Variants in SH3BGR observed in about 807,000 individuals in gnomAD.
The protein encoded by SH3BGR is SH3 domain binding glutamate rich protein.
In SH3BGR, 29 loss-of-function variants were observed where a neutral mutation model predicts 24.5. That is an observed-to-expected ratio of 1.18 (90% CI 0.88 to 1.61). The LOEUF is 1.61. Ranked by LOEUF, SH3BGR falls within the 40% of genes most tolerant of loss-of-function variation. The pLI, the probability that SH3BGR is intolerant of heterozygous loss-of-function variation, is 0.00. For synonymous variants in SH3BGR, 55 were observed against 65.7 expected (o/e 0.84, Z 0.79); for missense variants, 162 against 205.8 (o/e 0.79, Z 1.30).
rs564565841 is a variant in SH3BGR, at chr21:39,511,487, T to C, written c.436-193T>C. On this transcript the variant is annotated intron_variant, in intron 5 of 6. Coordinates refer to ENST00000333634, the MANE Select transcript of SH3BGR (RefSeq NM_007341.3). The surrounding 1 kb of genome is among the most constrained non-coding windows in gnomAD (Gnocchi z 4.2). ...TGTGTGTGTTTGGGCGGTATGTGTG[T>C]GGGGTGTGTGTGTGGCATGTGTTTG... Among the ~76,000 whole-genome samples the C allele has an allele frequency of 2.0e-5, 3 of 150,368 alleles. No homozygotes were observed. Among genetic ancestry groups the C allele is most frequent in the Admixed American group, 1.3e-4 (2 of 15,008 alleles).
At chr21:39,504,879 G>T (rs2078556054) in intron 4 of SH3BGR, among the ~76,000 whole-genome samples, 1 of 152,016 alleles carries the variant, frequency 6.6e-6, no homozygotes. Flanking sequence ...TGTCACCCAG[G>T]CTGGAGTGCA....
intron 3 of SH3BGR, among the ~76,000 whole-genome samples, chr21:39,478,806 C>G (rs2078069741): frequency 1.3e-5 from 2 of 152,004 alleles, no homozygotes; most frequent in South Asian, 4.1e-4. Context: ...TTTCTCCTAT[C>G]AATCATATCT....
chr21:39,458,487 G>A (rs2148454292), intron 1 of SH3BGR, among the ~76,000 whole-genome samples: 1 of 151,808 alleles, frequency 6.6e-6, no homozygotes. Context: ...ACAGATGCGT[G>A]CCACCACACC....
chr21:39,497,205 A>T (rs1032057933), intron 3 of SH3BGR, among the ~76,000 whole-genome samples: 2 of 150,662 alleles, frequency 1.3e-5, no homozygotes, highest in African/African-American at 4.8e-5. Context: ...CAGTATTTAT[A>T]TATAGGATAG....
intron 1 of SH3BGR, among the ~76,000 whole-genome samples, chr21:39,456,060 T>G (rs1569148735): frequency 6.6e-6 from 1 of 152,168 alleles, no homozygotes; most frequent in Non-Finnish European, 1.5e-5. Flanking sequence ...GAAACATAAG[T>G]CAAGACTTTT....
Position 39,511,690 on chromosome 21 carries a change from T to C in SH3BGR, c.446T>C (p.Ile149Thr). 6.2e-7 allele frequency: 1 copy of C among 1,610,682 alleles called. No homozygotes were observed. The highest frequency in any genetic ancestry group is 8.5e-7 in the Non-Finnish European group (1 of 1,178,798). ...GETATEETEE[I>T]AMEGAEGEAE... ...TTTTGTTAAAATAAGACGGAAGAAATAGCCATGGAGGGTGCGGAAGGGGAA... is the reference window on the plus strand; with the variant it reads ...TTTTGTTAAAATAAGACGGAAGAAACAGCCATGGAGGGTGCGGAAGGGGAA... Residue 149 changes from isoleucine (I) to threonine (T), a missense_variant, in exon 6 of 7, where the codon ATA becomes ACA. Coordinates refer to ENST00000333634, the MANE Select transcript of SH3BGR (RefSeq NM_007341.3). The surrounding 1 kb of genome is among the most constrained non-coding windows in gnomAD (Gnocchi z 4.2).
chr21:39,495,801 A>G (rs1455492570), intron 3 of SH3BGR, among the ~76,000 whole-genome samples: 1 of 152,186 alleles, frequency 6.6e-6, no homozygotes, highest in East Asian at 1.9e-4. Context: ...TAAATAAAAT[A>G]TTAGCGAAAT....
chr21:39,480,003 C>T (rs1462624098), intron 3 of SH3BGR, among the ~76,000 whole-genome samples: 17 of 152,134 alleles, frequency 1.1e-4, no homozygotes, highest in Non-Finnish European at 2.9e-5. Flanking sequence ...TTCAGCTTCT[C>T]ATGATTAACT....
At chr21:39,512,742 A>G (rs193224729) in intron 6 of SH3BGR, among the ~76,000 whole-genome samples, 93 of 152,298 alleles carry the variant, frequency 6.1e-4, no homozygotes, top group African/African-American at 2.2e-3. Flanking sequence ...CAGTGAGCCA[A>G]GATTGCACCA....
chr21:39,479,882 A>C (rs1469735520), intron 3 of SH3BGR, among the ~76,000 whole-genome samples: 1 of 152,092 alleles, frequency 6.6e-6, no homozygotes, highest in Non-Finnish European at 1.5e-5. Context: ...TTTTCCTGCA[A>C]AAAGACTTCT....
chr21:39,472,603 A>T (rs1473255099), intron 2 of SH3BGR, among the ~76,000 whole-genome samples: 4 of 152,186 alleles, frequency 2.6e-5, no homozygotes, highest in Non-Finnish European at 4.4e-5. Context: ...AGGATCACAC[A>T]TGGCATGGGA....
intron 3 of SH3BGR, among the ~76,000 whole-genome samples, chr21:39,497,607 TAA>T (rs2078420773): frequency 6.6e-6 from 1 of 151,490 alleles, no homozygotes; most frequent in Non-Finnish European, 1.5e-5. Flanking sequence ...ACAACTCAAG[TAA>T]AAATGAGCAA....
intron 2 of SH3BGR, among the ~76,000 whole-genome samples, chr21:39,469,569 G>A (rs1304282604): frequency 6.6e-6 from 1 of 150,452 alleles, no homozygotes; most frequent in African/African-American, 2.4e-5. Flanking sequence ...AATATTTAAG[G>A]CTAGAAATTT....
At chr21:39,502,483 C>CA (rs1310300022) in intron 4 of SH3BGR, among the ~76,000 whole-genome samples, 1 of 152,218 alleles carries the variant, frequency 6.6e-6, no homozygotes, top group Non-Finnish European at 1.5e-5. Context: ...CATTAACCAA[C>CA]ACGCTGCGGT....
intron 3 of SH3BGR, among the ~76,000 whole-genome samples, chr21:39,484,470 C>T (rs1042259196): frequency 1.3e-5 from 2 of 152,184 alleles, no homozygotes; most frequent in African/African-American, 4.8e-5. Flanking sequence ...TATACTAATA[C>T]GTATAAATCT....
In SH3BGR at chr21:39,511,631, C is replaced by A. The variant is rs2078697130; in HGVS notation, c.436-49C>A. On this transcript the variant is annotated intron_variant, in intron 5 of 6. Coordinates refer to ENST00000333634, the MANE Select transcript of SH3BGR (RefSeq NM_007341.3). The surrounding 1 kb of genome is among the most constrained non-coding windows in gnomAD (Gnocchi z 4.2). The stretch of plus-strand genomic sequence containing the variant: ...TTTTACAGTCTTTTTCTCACTGTAT[C>A]CTTGGCCCTTATGCTTCTTAATACT... The A allele has an allele frequency of 2.5e-6, 4 of 1,589,782 alleles. No homozygotes were observed. The highest frequency in any genetic ancestry group is 2.6e-6 in the Non-Finnish European group (3 of 1,168,186).
At chr21:39,449,453 G>C (rs1382132881), upstream of SH3BGR, among the ~76,000 whole-genome samples, 1 of 152,142 alleles carries the variant, frequency 6.6e-6, no homozygotes, top group Non-Finnish European at 1.5e-5. Context: ...CCTTCTTTCT[G>C]AAGTGGATTT....
intron 3 of SH3BGR, among the ~76,000 whole-genome samples, chr21:39,493,176 T>C (rs536284684): frequency 2.6e-4 from 39 of 152,202 alleles, no homozygotes; most frequent in Non-Finnish European, 4.9e-4. Context: ...GGGTTCTTGG[T>C]CATGAAATCC....
chr21:39,488,714 C>A, intron 3 of SH3BGR: 2 of 458,094 alleles, frequency 4.4e-6, no homozygotes, highest in Non-Finnish European at 4.4e-6. Context: ...ATGACAGAGG[C>A]AGAAGTAGAG....
Sources: gnomAD v4.1 joint callset for allele counts (sites outside exome capture counted in the v4.1 genomes callset) on GRCh38, gnomAD v4.1.1 for gene constraint, Gnocchi (gnomAD v3.1) non-coding constraint, MANE v1.5 for transcripts, NCBI Gene and HGNC (gene_info 2026-07-23, HGNC 2026-07-21) for gene names.